The following UGT1A8 variants were observed in gnomAD, a reference collection of about 807,000 sequenced individuals.
The protein encoded by UGT1A8 is UDP-glucuronosyltransferase 1A8.
In UGT1A8, 39 loss-of-function variants were observed where a neutral mutation model predicts 45.3. That is an observed-to-expected ratio of 0.86 (90% confidence interval 0.67 to 1.12). UGT1A8 has a LOEUF of 1.12. Ranked by LOEUF, UGT1A8 falls within the 50% of genes most tolerant of loss-of-function variation. The pLI is 0.00. For synonymous variants in UGT1A8, 275 were observed against 249.2 expected, an observed-to-expected ratio of 1.10 and a Z score of -0.97; for missense variants, 719 against 664.9, an observed-to-expected ratio of 1.08 and a Z score of -0.90.
intron 1 of UGT1A8, among the ~76,000 whole-genome samples, chr2:233,702,216 G>A (rs1362223857): frequency 2.0e-5 from 3 of 151,996 alleles, no homozygotes; most frequent in Non-Finnish European, 4.4e-5. Flanking sequence ...TCAACTTTCT[G>A]TCCTTATGAA....
At chr2:233,731,770 T>C (rs1223640583) in intron 1 of UGT1A8, among the ~76,000 whole-genome samples, 2 of 152,114 alleles carry the variant, frequency 1.3e-5, no homozygotes, top group Non-Finnish European at 2.9e-5. Context: ...CTTAGAGTAG[T>C]ATCATTTATA....
At chr2:233,743,728 A>G in intron 1 of UGT1A8, 1 of 1,367,282 alleles carries the variant, frequency 7.3e-7, no homozygotes, top group Non-Finnish European at 9.8e-7. Context: ...GGTCATAGAT[A>G]TCGCGTTTCT....
chr2:233,772,599 C>A lies in UGT1A8; in HGVS notation c.*40C>A, dbSNP rs1313882407. ...ATAAGGTAAAATTTTGAACCATTCC[C>A]TAGTCATTTCCAAACTTGAAAACAG... On this transcript the variant is annotated 3_prime_UTR_variant, in exon 5 of 5. Coordinates refer to ENST00000373450, the MANE Select transcript of UGT1A8 (RefSeq NM_019076.5). 3.8e-6 allele frequency: 6 copies of A among 1,591,492 alleles called. No individual in the cohort carries two copies. Among genetic ancestry groups the A allele is most frequent in the Non-Finnish European group, 5.1e-6 (6 of 1,168,132 alleles).
At position 233,769,451 on chromosome 2, in the gene UGT1A8, G is replaced by A; in HGVS notation, c.1295+1012G>A. On this transcript the variant is annotated intron_variant, in intron 4 of 4. Transcript: ENST00000373450. This position sits in a 1 kb window ranked among gnomAD's most constrained non-coding sequence, Gnocchi z 4.4. ...TGTGCTCATGTGTGGGTGCACACGT[G>A]TGCATTCATATGCGTGTGTGTGTGT... is the stretch of plus-strand genomic sequence containing the variant. 1 of 1,590,738 alleles carries A rather than the reference G, an allele frequency of 6.3e-7. No homozygotes were observed. Among genetic ancestry groups the A allele is most frequent in the Non-Finnish European group, 8.6e-7 (1 of 1,161,554 alleles).
intron 1 of UGT1A8, among the ~76,000 whole-genome samples, chr2:233,635,115 T>A (rs886811692): frequency 6.6e-6 from 1 of 150,936 alleles, no homozygotes; most frequent in Non-Finnish European, 1.5e-5. Flanking sequence ...CCTTTAGGAA[T>A]GTTGAGTTTT....
intron 1 of UGT1A8, among the ~76,000 whole-genome samples, chr2:233,758,599 C>A (rs1696920593): frequency 6.6e-6 from 1 of 152,110 alleles, no homozygotes; most frequent in Admixed American, 6.5e-5. Flanking sequence ...TGGGGAGGAG[C>A]TTCAGTGTGC....
At position 233,719,073 on chromosome 2, in the gene UGT1A8, A is replaced by C. The variant is rs1195063088; in HGVS notation, c.856-47961A>C. Reference sequence around the variant, plus strand: ...CCTGACAGCCTATGCTGTTCCATGGACCCAGAAGGAATTTGATCGCGTTAC... The same window carrying C: ...CCTGACAGCCTATGCTGTTCCATGGCCCCAGAAGGAATTTGATCGCGTTAC... On this transcript the variant is annotated intron_variant, in intron 1 of 4. Coordinates refer to ENST00000373450, the MANE Select transcript of UGT1A8 (RefSeq NM_019076.5). The C allele has an allele frequency of 3.7e-6, 6 of 1,614,126 alleles. No homozygotes were observed. The African/African-American group carries it at 8.0e-5, about 22-fold the overall frequency.
intron 1 of UGT1A8, among the ~76,000 whole-genome samples, chr2:233,726,241 T>TG (rs535893777): frequency 2.0e-4 from 31 of 152,288 alleles, no homozygotes; most frequent in African/African-American, 6.7e-4. Context: ...AACTCCAATA[T>TG]GAAAAGCTGG....
intron 1 of UGT1A8, among the ~76,000 whole-genome samples, chr2:233,633,506 A>C (rs1457646945): frequency 6.6e-6 from 1 of 152,180 alleles, no homozygotes; most frequent in East Asian, 1.9e-4. Flanking sequence ...TGGTCTATTC[A>C]GGAATTCTGC....
At chr2:233,754,805 AG>A (rs755746097) in intron 1 of UGT1A8, 241 of 1,294,792 alleles carry the variant, frequency 1.9e-4, no homozygotes, top group Non-Finnish European at 2.3e-4. Context: ...TATCAAAAGA[AG>A]AAAAACCACC....
chr2:233,682,465 T>C, intron 1 of UGT1A8: 1 of 1,613,980 alleles, frequency 6.2e-7, no homozygotes, highest in East Asian at 2.2e-5. Context: ...TTTGCCACTA[T>C]CTTGAAGAAG....
intron 1 of UGT1A8, among the ~76,000 whole-genome samples, chr2:233,681,728 C>A (rs892364832): frequency 1.3e-5 from 2 of 152,122 alleles, no homozygotes; most frequent in Non-Finnish European, 2.9e-5. Flanking sequence ...ATGAGTTACT[C>A]TTTTCTTGAA....
chr2:233,754,977 T>C (rs754870869), intron 1 of UGT1A8: 1 of 1,298,334 alleles, frequency 7.7e-7, no homozygotes, highest in Non-Finnish European at 1.0e-6. Context: ...CCTGAAGACC[T>C]CGGCGGGGTC....
chr2:233,760,166 G>A (rs2125979528), intron 1 of UGT1A8: 1 of 1,522,128 alleles, frequency 6.6e-7, no homozygotes, highest in African/African-American at 1.4e-5. Context: ...TACCTTTGTG[G>A]ACTGACAGCT....
chr2:233,667,686 A>G (rs908128381), intron 1 of UGT1A8, among the ~76,000 whole-genome samples: 1 of 152,172 alleles, frequency 6.6e-6, no homozygotes, highest in Non-Finnish European at 1.5e-5. Context: ...AATTTACAAG[A>G]AAAAATCAAA....
At chr2:233,671,317 CTGGTA>C (rs1298265495) in intron 1 of UGT1A8, among the ~76,000 whole-genome samples, 1 of 152,188 alleles carries the variant, frequency 6.6e-6, no homozygotes, top group Non-Finnish European at 1.5e-5. Flanking sequence ...CATCAAGTCC[CTGGTA>C]TGGTCCATGG....
chr2:233,720,704 CTTTT>C (rs796417980), intron 1 of UGT1A8, among the ~76,000 whole-genome samples: 1 of 139,182 alleles, frequency 7.2e-6, no homozygotes. Context: ...GGGAGCCATC[CTTTT>C]TTTTTTTTTT....
intron 1 of UGT1A8, among the ~76,000 whole-genome samples, chr2:233,653,681 C>A (rs2073790284): frequency 6.6e-6 from 1 of 152,214 alleles, no homozygotes; most frequent in South Asian, 2.1e-4. Flanking sequence ...ACTGCAACAT[C>A]TGCTGCCCGA....
intron 1 of UGT1A8, among the ~76,000 whole-genome samples, chr2:233,644,869 T>C (rs1353707918): frequency 6.6e-6 from 1 of 152,204 alleles, no homozygotes; most frequent in African/African-American, 2.4e-5. Flanking sequence ...GAAGGTGGTT[T>C]TTCCTGTGTA....
Sources: allele counts gnomAD v4.1 joint callset (sites outside exome capture counted in the v4.1 genomes callset), GRCh38; gene constraint gnomAD v4.1.1; non-coding constraint Gnocchi (gnomAD v3.1); transcripts MANE v1.5; gene names NCBI Gene and HGNC (gene_info 2026-07-23, HGNC 2026-07-21).